Variants in DCHS2 observed in about 807,000 individuals in gnomAD.
DCHS2 encodes the protein protocadherin-23.
DCHS2 carries 142 observed loss-of-function variants against 182.4 expected under a neutral mutation model. The observed-to-expected ratio is 0.78, with a 90% CI of 0.68 to 0.89. DCHS2 has a LOEUF of 0.89. DCHS2 is among the 40% of genes least tolerant of loss of function. The pLI is 0.00. For missense variants in DCHS2, 4,319 were observed against 4,198.6 expected, an observed-to-expected ratio of 1.03 and a Z score of -0.79; for synonymous variants, 1,740 against 1,663.3, an observed-to-expected ratio of 1.05 and a Z score of -1.12.
intron 14 of DCHS2, chr4:154,262,296 T>C (rs554330783): frequency 1.3e-5 from 2 of 152,282 alleles, no homozygotes; most frequent in South Asian, 2.1e-4. Context: ...GTCGTGCAAG[T>C]AGAAAAGACA....
At chr4:154,434,741 CTTCTGA>C (rs1429490000) in intron 1 of DCHS2, among the ~76,000 whole-genome samples, 1 of 152,158 alleles carries the variant, frequency 6.6e-6, no homozygotes, top group Non-Finnish European at 1.5e-5. Flanking sequence ...ATAGCATGTA[CTTCTGA>C]TATGATGTGA....
chr4:154,305,045 T>G (rs941653045), intron 11 of DCHS2, 52 bp downstream of exon 11: 1 of 1,515,142 alleles, frequency 6.6e-7, no homozygotes, highest in African/African-American at 1.4e-5. Flanking sequence ...CAGGTTTTTT[T>G]TAAATTTAAT....
intron 3 of DCHS2, among the ~76,000 whole-genome samples, chr4:154,339,651 A>G (rs572985464): frequency 7.4e-4 from 113 of 152,056 alleles, no homozygotes; most frequent in African/African-American, 2.4e-3. Flanking sequence ...GTTTCACCAT[A>G]TTGGCCAGGC....
chr4:154,415,910 T>A (rs997380330), intron 1 of DCHS2, among the ~76,000 whole-genome samples: 15 of 152,070 alleles, frequency 9.9e-5, no homozygotes, highest in African/African-American at 3.6e-4. Flanking sequence ...TATTATTTTT[T>A]AAATATTTTT....
intron 15 of DCHS2, 60 bp downstream of exon 15, chr4:154,259,485 C>T (rs1732862739): frequency 4.4e-6 from 7 of 1,579,370 alleles, no homozygotes; most frequent in Non-Finnish European, 6.0e-6. Context: ...CTCTCTCTCT[C>T]TCACACAGAC....
In DCHS2 at chr4:154,332,802, G is replaced by A. The variant is rs771506050; in HGVS notation, c.3406C>T (p.Arg1136Cys). ...PSVDSAMFGI[R>C]PYTGWIYLRR... is the part of the protein sequence containing the mutation. Reference sequence around the variant, plus strand: ...AAATAAATCCAGCCCGTGTAAGGGCGGATTCCAAACATAGCAGAGTCTACG... The same window carrying A: ...AAATAAATCCAGCCCGTGTAAGGGCAGATTCCAAACATAGCAGAGTCTACG... The change falls in exon 5 of 20, where the codon CGC becomes TGC. Residue 1136 changes from arginine (R) to cysteine (C), a missense_variant. Coordinates refer to ENST00000357232, the MANE Select transcript of DCHS2 (RefSeq NM_001358235.2). The A allele has an allele frequency of 3.1e-6, 5 of 1,614,210 alleles. No homozygotes were observed. Among genetic ancestry groups the A allele is most frequent in the Non-Finnish European group, 4.2e-6 (5 of 1,180,040 alleles).
intron 3 of DCHS2, among the ~76,000 whole-genome samples, chr4:154,337,402 G>T (rs929627859): frequency 1.3e-5 from 2 of 152,128 alleles, no homozygotes; most frequent in Non-Finnish European, 2.9e-5. Context: ...CATCCCGACT[G>T]ACTCCTTCTG....
chr4:154,333,091 G>A lies in DCHS2; in HGVS notation c.3117C>T (p.Gly1039=), dbSNP rs1479239620. The A allele has an allele frequency of 6.2e-7, 1 of 1,614,032 alleles. No homozygotes were observed. Among genetic ancestry groups the A allele is most frequent in the Non-Finnish European group, 8.5e-7 (1 of 1,179,988 alleles). ...CCCGCTGCTCGCCCGCGCCCAGGCT[G>A]CCGTTGAGGAACAGCACCCCCAGGG... ...DRALGVLFLN[G]SLGAGEQREL... The change falls in exon 5 of 20, where the codon GGC becomes GGT. Residue 1039 remains glycine, a synonymous_variant. Transcript: ENST00000357232.
Position 154,376,258 on chromosome 4 carries a change from C to A in DCHS2, c.2244+995G>T, listed in dbSNP as rs186302208. ...TTTATATGTCAATTAAAAAGTTTAA[C>A]AACAAAAAAAGACAAAGGAATCAAA... On this transcript the variant is annotated intron_variant, in intron 2 of 19. Transcript: ENST00000357232. Among the ~76,000 whole-genome samples, 309 of 151,848 alleles carry A rather than the reference C, an allele frequency of 2.0e-3. 2 individuals carry two copies. The highest frequency in any genetic ancestry group is 3.4e-3 in the Middle Eastern group (1 of 294).
chr4:154,490,571 T>C lies in DCHS2; in HGVS notation c.785A>G (p.His262Arg). The change falls in exon 1 of 20, where the codon CAC becomes CGC. Residue 262 changes from histidine (H) to arginine (R), a missense_variant. His to Arg is a conservative substitution (Grantham distance 29, BLOSUM62 0). Coordinates refer to ENST00000357232, the MANE Select transcript of DCHS2 (RefSeq NM_001358235.2). ...RRLDREEAAA[H>R]RLQIEAWDGG... ...GTCCCATGCCTCGATCTGCAGCCGG[T>C]GCGCCGCCGCCTCCTCTCGGTCCAA... The C allele has an allele frequency of 6.5e-7, 1 of 1,542,918 alleles. No individual in the cohort carries two copies. The highest frequency in any genetic ancestry group is 8.7e-7 in the Non-Finnish European group (1 of 1,146,112).
chr4:154,358,334 T>A (rs1729966523), intron 3 of DCHS2, among the ~76,000 whole-genome samples: 1 of 152,158 alleles, frequency 6.6e-6, no homozygotes, highest in Non-Finnish European at 1.5e-5. Context: ...CCTGACTGTT[T>A]TAGATTTTCC....
At chr4:154,254,901 A>G (rs967774793) in intron 16 of DCHS2, among the ~76,000 whole-genome samples, 1 of 152,182 alleles carries the variant, frequency 6.6e-6, no homozygotes, top group African/African-American at 2.4e-5. Context: ...CTCTCTGTAT[A>G]AGTCTAGTCT....
At chr4:154,310,071 G>C (rs1306369419) in intron 10 of DCHS2, among the ~76,000 whole-genome samples, 1 of 152,156 alleles carries the variant, frequency 6.6e-6, no homozygotes, top group Non-Finnish European at 1.5e-5. Context: ...TACCTTGTAA[G>C]GAGATGACTA....
chr4:154,418,295 C>T (rs1732957395), intron 1 of DCHS2, among the ~76,000 whole-genome samples: 1 of 152,114 alleles, frequency 6.6e-6, no homozygotes, highest in South Asian at 2.1e-4. Context: ...AGGCACATGG[C>T]CCCGCTGTAT....
rs1400592099 is a variant in DCHS2 at position 154,321,164 on chromosome 4, A to G, written c.4235T>C (p.Ile1412Thr). 6.3e-7 allele frequency: 1 copy of G among 1,589,632 alleles called. No homozygotes were observed. Among genetic ancestry groups the G allele is most frequent in the South Asian group, 1.1e-5 (1 of 87,656 alleles). Reference protein sequence around the residue: ...IMSQNIRHLIIPENLKPTKIM... With the variant: ...IMSQNIRHLITPENLKPTKIM... ...TTTTGTGGGCTTCAAATTTTCTGGT[A>G]TAATTAAATGTCTAATATTCTGAGA... is the stretch of plus-strand genomic sequence containing the variant. The change falls in exon 9 of 20, where the codon ATA becomes ACA. Residue 1412 changes from isoleucine to threonine, a missense_variant. By Grantham distance (89) the Ile-to-Thr change is moderately conservative. Coordinates refer to ENST00000357232, the MANE Select transcript of DCHS2 (RefSeq NM_001358235.2).
intron 1 of DCHS2, among the ~76,000 whole-genome samples, chr4:154,471,178 C>CAAA (rs1316420924): frequency 1.3e-5 from 2 of 152,190 alleles, no homozygotes; most frequent in Non-Finnish European, 1.5e-5. Context: ...TAAAATCACA[C>CAAA]ATTAAAAATG....
intron 1 of DCHS2, among the ~76,000 whole-genome samples, chr4:154,401,370 T>TG (rs970496646): frequency 2.0e-5 from 3 of 152,068 alleles, no homozygotes; most frequent in African/African-American, 4.8e-5. Flanking sequence ...GTTTTCATTT[T>TG]GGGGGGGTAA....
chr4:154,262,676 C>T (rs956321140), intron 14 of DCHS2, among the ~76,000 whole-genome samples: 1 of 152,164 alleles, frequency 6.6e-6, no homozygotes, highest in Non-Finnish European at 1.5e-5. Context: ...AATCAGGTTA[C>T]TTCCATCAAT....
At chr4:154,363,816 T>G (rs1730230447) in intron 3 of DCHS2, among the ~76,000 whole-genome samples, 1 of 152,124 alleles carries the variant, frequency 6.6e-6, no homozygotes, top group Admixed American at 6.5e-5. Context: ...ACGCCATAAT[T>G]ATATACAATG....
Sources: gnomAD v4.1 joint callset for allele counts (sites outside exome capture counted in the v4.1 genomes callset) on GRCh38, gnomAD v4.1.1 for gene constraint, MANE v1.5 for transcripts, NCBI Gene and HGNC (gene_info 2026-07-23, HGNC 2026-07-21) for gene names.